TTC39C: variants seen among roughly 807,000 people sequenced by gnomAD.
The protein encoded by TTC39C is tetratricopeptide repeat domain 39C.
TTC39C carries 33 observed loss-of-function variants against 76.3 expected under a neutral mutation model. The ratio of observed to expected loss-of-function variants is 0.43; its 90% CI spans 0.33 to 0.58. TTC39C has a LOEUF of 0.58. Ranked by LOEUF, TTC39C falls within the 20% of genes least tolerant of loss-of-function variation. The probability of loss-of-function intolerance (pLI) is 0.04; values close to 1 mark genes in which losing one functional copy is unlikely to be tolerated. For missense variants in TTC39C, 595 were observed against 701.4 expected (o/e 0.85, Z 1.71); for synonymous variants, 254 against 260.6 (o/e 0.97, Z 0.24).
intron 4 of TTC39C, among the ~76,000 whole-genome samples, chr18:24,072,330 G>C (rs1000198967): frequency 2.0e-5 from 3 of 149,210 alleles, no homozygotes; most frequent in African/African-American, 7.5e-5. Context: ...TTCTCACTCT[G>C]TCATGCAGGC....
At chr18:24,113,588 C>G in intron 6 of TTC39C, 1 of 702,316 alleles carries the variant, frequency 1.4e-6, no homozygotes. Flanking sequence ...CTGGCACCAG[C>G]AGAGCAAGAA....
intron 4 of TTC39C, among the ~76,000 whole-genome samples, chr18:24,072,198 C>T (rs764538087): frequency 6.6e-6 from 1 of 151,286 alleles, no homozygotes; most frequent in Non-Finnish European, 1.5e-5. Flanking sequence ...TGGCCCTCCC[C>T]ACCCTTGGAG....
intron 6 of TTC39C, among the ~76,000 whole-genome samples, chr18:24,098,383 TCC>T (rs2084617789): frequency 1.2e-5 from 1 of 81,132 alleles, no homozygotes; most frequent in African/African-American, 7.6e-5. Flanking sequence ...TTCTTTTCCT[TCC>T]CTCCCTCCCT....
intron 6 of TTC39C, among the ~76,000 whole-genome samples, chr18:24,107,509 T>G (rs2084759887): frequency 6.6e-6 from 1 of 152,160 alleles, no homozygotes; most frequent in Admixed American, 6.5e-5. Flanking sequence ...CCTCATCCTG[T>G]TCTCGTGATA....
At chr18:24,022,698 G>A (rs751444653) in intron 1 of TTC39C, 55 of 985,276 alleles carry the variant, frequency 5.6e-5, no homozygotes, top group African/African-American at 2.4e-4. Context: ...AGCTTTAGAC[G>A]CTCTGTGGCT....
chr18:24,020,403 C>T (rs1045719534), intron 1 of TTC39C: 12 of 689,548 alleles, frequency 1.7e-5, no homozygotes, highest in Non-Finnish European at 1.8e-5. Flanking sequence ...TAAGTGTGTA[C>T]AAGTGTACAA....
intron 1 of TTC39C, among the ~76,000 whole-genome samples, chr18:24,021,617 C>T (rs540082016): frequency 6.9e-6 from 1 of 145,926 alleles, no homozygotes; most frequent in East Asian, 2.1e-4. Flanking sequence ...ACGATCTTGG[C>T]TCACTGCAAC....
intron 1 of TTC39C, among the ~76,000 whole-genome samples, chr18:24,061,527 C>T: frequency 7.1e-6 from 1 of 140,056 alleles, no homozygotes; most frequent in East Asian, 2.2e-4. Flanking sequence ...TGTAGAGACA[C>T]ATGCATGGTC....
chr18:24,047,529 C>T (rs2083900105), intron 1 of TTC39C, among the ~76,000 whole-genome samples: 1 of 152,102 alleles, frequency 6.6e-6, no homozygotes, highest in South Asian at 2.1e-4. Context: ...CATTCTTAGA[C>T]TATTGTATAG....
intron 6 of TTC39C, among the ~76,000 whole-genome samples, chr18:24,100,626 G>T (rs28735773): frequency 0.027 from 4,037 of 152,300 alleles, 181 homozygotes; most frequent in African/African-American, 0.092. Flanking sequence ...GGGCTTCCGA[G>T]CTTCAGTTTT....
At chr18:24,056,142 T>G (rs1199848844) in intron 1 of TTC39C, among the ~76,000 whole-genome samples, 2 of 152,190 alleles carry the variant, frequency 1.3e-5, no homozygotes, top group African/African-American at 4.8e-5. Flanking sequence ...TCTGTGATTT[T>G]TAAACAGCAT....
Position 23,996,250 on chromosome 18 carries a change from T to C in TTC39C, c.-17+3212T>C, listed in dbSNP as rs996560464. 3.9e-5 allele frequency among the ~76,000 whole-genome samples: 6 copies of C among 152,370 alleles called. No homozygotes were observed. The East Asian group carries it at 5.8e-4, about 15-fold the overall frequency. ...TTTATATCTTTTGCCCATTTTCTAA[T>C]TGGATTTGGGCATGGGCCAGAGAGA... On this transcript the variant is annotated intron_variant, in intron 1 of 13. Coordinates refer to the TTC39C transcript ENST00000304621.
At chr18:24,102,744 C>T (rs1783968680) in intron 6 of TTC39C, among the ~76,000 whole-genome samples, 1 of 152,252 alleles carries the variant, frequency 6.6e-6, no homozygotes, top group South Asian at 2.1e-4. Context: ...GTTAAGAGCA[C>T]CCCACATGTT....
At chr18:24,061,612 A>G (rs866908106) in intron 1 of TTC39C, among the ~76,000 whole-genome samples, 4,490 of 150,686 alleles carry the variant, frequency 0.03, 218 homozygotes, top group African/African-American at 0.099. Context: ...AAAAAAAAAA[A>G]AAAAGCGTGG....
chr18:24,070,053 TTTAAATTA>T (rs1308387126), intron 4 of TTC39C, among the ~76,000 whole-genome samples: 1 of 152,240 alleles, frequency 6.6e-6, no homozygotes, highest in African/African-American at 2.4e-5. Flanking sequence ...ATAAATTTCT[TTTAAATTA>T]TAACATACTC....
chr18:24,084,442 G>A (rs1053331568), intron 6 of TTC39C, among the ~76,000 whole-genome samples: 15 of 151,986 alleles, frequency 9.9e-5, no homozygotes, highest in African/African-American at 2.4e-4. Context: ...CCGAGATTGC[G>A]CCACTGCACT....
At chr18:24,116,832 T>TG (rs1310755986) in intron 7 of TTC39C, among the ~76,000 whole-genome samples, 4 of 147,042 alleles carry the variant, frequency 2.7e-5, no homozygotes, top group Non-Finnish European at 6.0e-5. Flanking sequence ...TTTTTTTTTT[T>TG]TTTTTTTTTT....
chr18:24,114,576 C>T lies in TTC39C; in HGVS notation c.1007C>T (p.Thr336Ile). 1.2e-6 allele frequency: 2 copies of T among 1,614,026 alleles called. No homozygotes were observed. Among genetic ancestry groups the T allele is most frequent in the Non-Finnish European group, 1.7e-6 (2 of 1,179,940 alleles). Residue 336 changes from threonine (T) to isoleucine (I), a missense_variant, in exon 7 of 14, where the codon ACA (threonine) becomes ATA (isoleucine). By Grantham distance (89) the Thr-to-Ile change is moderately conservative. Coordinates refer to ENST00000317571, the MANE Select transcript of TTC39C (RefSeq NM_001135993.2). The part of the protein sequence containing the change: ...RLECQINSAL[T>I]SFHTALELAV... ...TAGTGTCAAATCAACAGTGCCTTGA[C>T]ATCTTTCCACACTGCTTTGGAACTT... is the stretch of plus-strand genomic sequence containing the variant.
upstream of TTC39C, among the ~76,000 whole-genome samples, chr18:24,011,549 C>T (rs557477707): frequency 1.6e-4 from 24 of 152,144 alleles, no homozygotes; most frequent in Non-Finnish European, 2.8e-4. Context: ...GGGATACAGC[C>T]TCATTTTGTA....
Sources: allele counts gnomAD v4.1 joint callset (sites outside exome capture counted in the v4.1 genomes callset), GRCh38; gene constraint gnomAD v4.1.1; transcripts MANE v1.5; gene names NCBI Gene and HGNC (gene_info 2026-07-23, HGNC 2026-07-21).